MAP3K4: variants seen among roughly 807,000 people sequenced by gnomAD.
MAP3K4 encodes mitogen-activated protein kinase kinase kinase 4.
A neutral mutation model predicts 185.6 loss-of-function variants in MAP3K4; 67 were observed. The ratio of observed to expected loss-of-function variants is 0.36; its 90% CI spans 0.30 to 0.44. The LOEUF (loss-of-function observed/expected upper bound fraction) is 0.44, where lower values mean the gene tolerates loss of function less well. Among genes scored for constraint, MAP3K4 ranks in the 20% least tolerant of loss-of-function variants. The probability of loss-of-function intolerance (pLI) is 1.00; values close to 1 mark genes in which losing one functional copy is unlikely to be tolerated. For missense variants in MAP3K4, 1,551 were observed against 1,995.1 expected (o/e 0.78, Z 4.24); for synonymous variants, 702 against 710.4 (o/e 0.99, Z 0.19).
rs1778571403 is a variant in MAP3K4 at position 161,115,913 on chromosome 6, G to A, written c.4806+611G>A. Among the ~76,000 whole-genome samples the A allele has an allele frequency of 6.6e-6, 1 of 152,188 alleles. No individual in the cohort carries two copies. Among genetic ancestry groups the A allele is most frequent in the African/African-American group, 2.4e-5 (1 of 41,454 alleles). On this transcript the variant is annotated intron_variant, in intron 26 of 26. Transcript: ENST00000392142. This position sits in a 1 kb window ranked among gnomAD's most constrained non-coding sequence, Gnocchi z 6.0. ...GATAAGGCTAGAACAGTAACCAGGAGCAACATGAAGGAGTTTCCATTTTAT... is the reference window on the plus strand; with the variant it reads ...GATAAGGCTAGAACAGTAACCAGGAACAACATGAAGGAGTTTCCATTTTAT...
At position 161,037,536 on chromosome 6, in the gene MAP3K4, A is replaced by G. The variant is rs1583148125; in HGVS notation, c.343+3087A>G. Among the ~76,000 whole-genome samples, 1 of 151,836 alleles carries G rather than the reference A, an allele frequency of 6.6e-6. No homozygotes were observed. The highest frequency in any genetic ancestry group is 6.6e-5 in the Admixed American group (1 of 15,234). On this transcript the variant is annotated intron_variant, in intron 2 of 26. Transcript: ENST00000392142. This position sits in a 1 kb window ranked among gnomAD's most constrained non-coding sequence, Gnocchi z 4.2. Reference sequence around the variant, plus strand: ...TGGGTTCAAGCAATTCTCCTGCCTCACCCTCCCGAGTAGCTAGGACTACAG... The same window carrying G: ...TGGGTTCAAGCAATTCTCCTGCCTCGCCCTCCCGAGTAGCTAGGACTACAG...
At position 161,048,888 on chromosome 6, in the gene MAP3K4, A is replaced by C; in HGVS notation, c.616A>C (p.Ile206Leu). ...GCTTCCAGTATCTGTGCCCATGCCT[A>C]TAGCCAGACCTGCACGCCAGACTTC... ...AKLPVSVPMPIARPARQTSRT... is the reference protein window; with the variant it reads ...AKLPVSVPMPLARPARQTSRT... Residue 206 changes from isoleucine to leucine, a missense_variant, in exon 3 of 27, where the codon ATA becomes CTA. Ile to Leu is a conservative substitution (Grantham distance 5, BLOSUM62 2). Around this residue, in one of 16 missense-constraint regions of MAP3K4, gnomAD observed 287 missense variants for 268.8 expected, o/e 1.07. Coordinates refer to ENST00000392142, the MANE Select transcript of MAP3K4 (RefSeq NM_005922.4). This position sits in a 1 kb window ranked among gnomAD's most constrained non-coding sequence, Gnocchi z 4.7. 2.5e-6 allele frequency: 4 copies of C among 1,614,228 alleles called. No homozygotes were observed. The highest frequency in any genetic ancestry group is 3.4e-6 in the Non-Finnish European group (4 of 1,180,040).
intron 1 of MAP3K4, among the ~76,000 whole-genome samples, chr6:160,995,558 G>T (rs1239584933): frequency 1.3e-5 from 2 of 152,258 alleles, no homozygotes; most frequent in African/African-American, 4.8e-5. Context: ...AAAACAGGCA[G>T]AGAGGTCATA....
chr6:161,111,588 T>C (rs1357735357), intron 23 of MAP3K4, among the ~76,000 whole-genome samples: 1 of 152,256 alleles, frequency 6.6e-6, no homozygotes, highest in Admixed American at 6.5e-5. Flanking sequence ...TTAGAATGTA[T>C]GCATGTATTT....
chr6:160,998,012 G>A (rs1233002486), intron 1 of MAP3K4, among the ~76,000 whole-genome samples: 1 of 152,088 alleles, frequency 6.6e-6, no homozygotes, highest in Non-Finnish European at 1.5e-5. Flanking sequence ...GAGGTCTATG[G>A]CCAGTTGCCT....
chr6:161,047,117 C>CATATATATATATATATAT (rs3050257), intron 2 of MAP3K4, among the ~76,000 whole-genome samples: 168 of 134,982 alleles, frequency 1.2e-3, no homozygotes, highest in African/African-American at 4.5e-3. Context: ...TTCACTTATG[C>CATATATATATATATATAT]ATATATATAT....
chr6:160,999,412 GAGTT>G (rs548297019), intron 1 of MAP3K4, among the ~76,000 whole-genome samples: 136 of 152,276 alleles, frequency 8.9e-4, no homozygotes, highest in African/African-American at 2.9e-3. Flanking sequence ...ACAATTTTTG[GAGTT>G]AGTTAGTTGT....
Position 161,051,393 on chromosome 6 carries a change from G to A in MAP3K4, c.1707+1414G>A, listed in dbSNP as rs977853190. Among the ~76,000 whole-genome samples, 1 of 152,132 alleles carries A rather than the reference G, an allele frequency of 6.6e-6. No individual in the cohort carries two copies. The highest frequency in any genetic ancestry group is 6.5e-5 in the Admixed American group (1 of 15,268). ...CGGATTATGAGCCCTTAGGAGGAAC[G>A]GGTTAAGCATTCACATAAATTCAGG... is the stretch of plus-strand genomic sequence containing the variant. On this transcript the variant is annotated intron_variant, in intron 3 of 26. Transcript: ENST00000392142. The surrounding 1 kb of genome is among the most constrained non-coding windows in gnomAD (Gnocchi z 4.2).
In MAP3K4 at chr6:161,101,868, C is replaced by T; in HGVS notation, c.3675-24C>T. On this transcript the variant is annotated intron_variant, in intron 17 of 26. Transcript: ENST00000392142. The surrounding 1 kb of genome is among the most constrained non-coding windows in gnomAD (Gnocchi z 5.1). ...TTTAAGTTCTATTGAATTGATAGCTCAATTATTAAAAATATTAAAACAGGG... is the reference window on the plus strand; with the variant it reads ...TTTAAGTTCTATTGAATTGATAGCTTAATTATTAAAAATATTAAAACAGGG... The T allele has an allele frequency of 6.3e-7, 1 of 1,575,376 alleles. No individual in the cohort carries two copies. The highest frequency in any genetic ancestry group is 8.7e-7 in the Non-Finnish European group (1 of 1,146,020).
intron 1 of MAP3K4, among the ~76,000 whole-genome samples, chr6:161,025,844 G>A (rs1782623726): frequency 6.6e-6 from 1 of 151,996 alleles, no homozygotes; most frequent in Non-Finnish European, 1.5e-5. Flanking sequence ...TTTGGCATAA[G>A]CCCCTTTGTT....
At position 161,113,176 on chromosome 6, in the gene MAP3K4, A is replaced by G. The variant is rs547623748; in HGVS notation, c.4626+402A>G. ...CAGTAGATTATTCATACAAAGGAGT[A>G]TACTGAGCTTTAGATAAAAAGAAAC... On this transcript the variant is annotated intron_variant, in intron 25 of 26. Coordinates refer to ENST00000392142, the MANE Select transcript of MAP3K4 (RefSeq NM_005922.4). 5.3e-5 allele frequency among the ~76,000 whole-genome samples: 8 copies of G among 152,340 alleles called. No individual in the cohort carries two copies. In the South Asian group the frequency reaches 1.7e-3, roughly 32 times the overall value.
rs186715923 is a variant in MAP3K4, at chr6:161,089,357, G to C, written c.2859G>C (p.Ala953=). 1.9e-6 allele frequency: 3 copies of C among 1,613,914 alleles called. No individual in the cohort carries two copies. In the South Asian group the frequency reaches 3.3e-5, roughly 18 times the overall value. ...DNLLLVVMQS[A]HLTIQRKAFQ... ...TTTTACTAGTTGTCATGCAGTCTGCGCATCTCACAATTCAGAGAAAAGCTT... is the reference window on the plus strand; with the variant it reads ...TTTTACTAGTTGTCATGCAGTCTGCCCATCTCACAATTCAGAGAAAAGCTT... Residue 953 remains alanine (A), a synonymous_variant, in exon 11 of 27, where the codon GCG becomes GCC. Transcript: ENST00000392142.
At position 161,085,261 on chromosome 6, in the gene MAP3K4, CTG is replaced by C. The variant is rs555479536; in HGVS notation, c.2372+648_2372+649del. Among the ~76,000 whole-genome samples, 304 of 152,132 alleles carry C rather than the reference CTG, an allele frequency of 2.0e-3. 1 individual carries two copies. Among genetic ancestry groups the C allele is most frequent in the Non-Finnish European group, 9.7e-4 (66 of 67,986 alleles). The stretch of plus-strand genomic sequence containing the variant: ...ATATTAGTTTCTGTTCTTAAAAAAT[CTG>C]TGTAGTGGTCCATTAATACATTTTA... On this transcript the variant is annotated intron_variant, in intron 7 of 26. Transcript: ENST00000392142.
rs1450573151 is a variant in MAP3K4, at chr6:161,097,153, T to C, written c.3501T>C (p.Ile1167=). ...CHSDPPNPHL[I]IPTPEGFSTR... is the part of the protein sequence containing the mutation. ...GTGACCCTCCTAACCCACACCTCAT[T>C]ATCCCCACTCCAGAGGGATTCAGGT... The change falls in exon 16 of 27, where the codon ATT becomes ATC. Residue 1167 remains isoleucine, a synonymous_variant. Transcript: ENST00000392142. The surrounding 1 kb of genome is among the most constrained non-coding windows in gnomAD (Gnocchi z 4.9). 1 of 1,614,160 alleles carries C rather than the reference T, an allele frequency of 6.2e-7. No individual in the cohort carries two copies. The highest frequency in any genetic ancestry group is 8.5e-7 in the Non-Finnish European group (1 of 1,180,010).
chr6:161,050,378 C>A (rs1304142068), intron 3 of MAP3K4, among the ~76,000 whole-genome samples: 1 of 152,166 alleles, frequency 6.6e-6, no homozygotes, highest in Non-Finnish European at 1.5e-5. Context: ...GGAGAGAGTT[C>A]TTTCTCTATC....
chr6:161,078,011 G>C (rs1404942343), intron 5 of MAP3K4, among the ~76,000 whole-genome samples: 1 of 152,180 alleles, frequency 6.6e-6, no homozygotes, highest in Non-Finnish European at 1.5e-5. Context: ...AAGAAGGGAG[G>C]AAGAGAGGAT....
rs767522226 is a variant in MAP3K4 at position 161,108,783 on chromosome 6, C to T, written c.4160C>T (p.Thr1387Ile). 6.2e-7 allele frequency: 1 copy of T among 1,614,064 alleles called. No individual in the cohort carries two copies. Among genetic ancestry groups the T allele is most frequent in the Admixed American group, 1.7e-5 (1 of 60,022 alleles). Reference sequence around the variant, plus strand: ...AATGACCATAAGACTATCAAGGAAACTGCAGACGAATTGAAAATATTCGAA... The same window carrying T: ...AATGACCATAAGACTATCAAGGAAATTGCAGACGAATTGAAAATATTCGAA... ...QPNDHKTIKE[T>I]ADELKIFEGI... The change falls in exon 22 of 27, where the codon ACT becomes ATT. Residue 1387 changes from threonine to isoleucine, a missense_variant. Physicochemically the swap from Thr to Ile is moderately conservative, Grantham distance 89 (BLOSUM62 -1). Transcript: ENST00000392142. This position sits in a 1 kb window ranked among gnomAD's most constrained non-coding sequence, Gnocchi z 5.7.
intron 2 of MAP3K4, among the ~76,000 whole-genome samples, chr6:161,047,640 C>T (rs114862402): frequency 4.6e-5 from 7 of 152,156 alleles, no homozygotes; most frequent in African/African-American, 1.7e-4. Flanking sequence ...GAGAAGAGAT[C>T]TAAGATTAGC....
intron 5 of MAP3K4, among the ~76,000 whole-genome samples, chr6:161,078,127 G>A (rs919334811): frequency 1.7e-4 from 26 of 152,152 alleles, no homozygotes; most frequent in African/African-American, 6.0e-4. Flanking sequence ...GGGTGGTGGT[G>A]GGTATTGGCA....
Sources: allele counts gnomAD v4.1 joint callset (sites outside exome capture counted in the v4.1 genomes callset), GRCh38; gene constraint gnomAD v4.1.1; regional missense constraint gnomAD v4.1.1; non-coding constraint Gnocchi (gnomAD v3.1); transcripts MANE v1.5; gene names NCBI Gene and HGNC (gene_info 2026-07-23, HGNC 2026-07-21).